The following AR variants were observed in gnomAD, a reference collection of about 807,000 sequenced individuals.
AR encodes androgen receptor.
In AR, 8 loss-of-function variants were observed where a neutral mutation model predicts 53.9. That is an observed-to-expected ratio of 0.15 (90% confidence interval 0.09 to 0.27). The LOEUF is 0.27. AR is among the 10% of genes least tolerant of loss of function. AR has a pLI of 1.00. For synonymous variants in AR, 359 were observed against 316.4 expected (o/e 1.13, Z -1.43); for missense variants, 639 against 742.5 (o/e 0.86, Z 1.62).
rs183303878 is a variant in AR at position 67,721,704 on chromosome X, G to T, written c.2319-129G>T. 21 of 908,312 alleles carry T rather than the reference G, an allele frequency of 2.3e-5. No homozygotes were observed. The African/African-American group carries it at 3.9e-4, about 17-fold the overall frequency. 74.9% of individuals were successfully genotyped at this position (908,312 alleles called of 1,213,427 possible). On this transcript the variant is annotated intron_variant, in intron 5 of 7. Transcript: ENST00000374690. ...CAAAAAAACCTTTTCCTGGTCCCTG[G>T]AGCACCAGCAGGAGAAACAGCAAGC...
intron 2 of AR, among the ~76,000 whole-genome samples, chrX:67,670,709 T>C (rs1482152910): frequency 9.0e-6 from 1 of 110,622 alleles, no homozygotes; most frequent in Non-Finnish European, 1.9e-5. Context: ...CAACCTGCCA[T>C]ATACATTAAG....
intron 2 of AR, among the ~76,000 whole-genome samples, chrX:67,653,433 G>T (rs2076656286): frequency 8.9e-6 from 1 of 111,870 alleles, no homozygotes; most frequent in Non-Finnish European, 1.9e-5. Flanking sequence ...AGGCTTCACA[G>T]AGGAGTTAAG....
rs769558677 is a variant in AR at position 67,685,988 on chromosome X, A to G, written c.1769-22A>G. ...TGGAAACTCATTATCAGGTCTATCA[A>G]CTCTTGTATTTGTTCTCCCAGGGAA... On this transcript the variant is annotated intron_variant, in intron 2 of 7. Coordinates refer to ENST00000374690, the MANE Select transcript of AR (RefSeq NM_000044.6). 5 of 1,208,078 alleles carry G rather than the reference A, an allele frequency of 4.1e-6. No individual in the cohort carries two copies. The African/African-American group carries it at 8.8e-5, about 21-fold the overall frequency.
chrX:67,631,060 G>C (rs888445735), intron 1 of AR, among the ~76,000 whole-genome samples: 27 of 110,946 alleles, frequency 2.4e-4, no homozygotes, highest in African/African-American at 8.5e-4. Context: ...TTTCTCTCTG[G>C]CTGCCCTTAA....
intron 1 of AR, among the ~76,000 whole-genome samples, chrX:67,608,920 G>T (rs774527134): frequency 3.6e-5 from 4 of 109,926 alleles, no homozygotes; most frequent in Non-Finnish European, 7.6e-5. Context: ...TCCAATATTG[G>T]TGGCTATATA....
At chrX:67,648,018 G>A (rs1355982537) in intron 2 of AR, among the ~76,000 whole-genome samples, 1 of 112,021 alleles carries the variant, frequency 8.9e-6, no homozygotes, top group African/African-American at 3.2e-5. Context: ...TTTATGGGCT[G>A]CAGTTTGTTG....
chrX:67,609,091 G>T (rs1484394449), intron 1 of AR, among the ~76,000 whole-genome samples: 1 of 110,895 alleles, frequency 9.0e-6, no homozygotes, highest in Non-Finnish European at 1.9e-5. Flanking sequence ...AATTCACTTG[G>T]AAAGCATTGC....
chrX:67,602,441 G>A (rs1226306701), intron 1 of AR, among the ~76,000 whole-genome samples: 1 of 112,302 alleles, frequency 8.9e-6, no homozygotes, highest in Middle Eastern at 4.6e-3. Context: ...ATATGGCACA[G>A]TTAACTTTAA....
At chrX:67,628,953 A>G (rs1389690767) in intron 1 of AR, among the ~76,000 whole-genome samples, 1 of 111,541 alleles carries the variant, frequency 9.0e-6, no homozygotes, top group Admixed American at 9.5e-5. Flanking sequence ...TGATTTGCGT[A>G]TATTGAACCA....
At chrX:67,633,554 A>C (rs915203211) in intron 1 of AR, among the ~76,000 whole-genome samples, 1 of 112,207 alleles carries the variant, frequency 8.9e-6, no homozygotes, top group African/African-American at 3.2e-5. Context: ...GTAAATACTC[A>C]AGAGAAATGA....
At chrX:67,607,832 A>G (rs1923701908) in intron 1 of AR, among the ~76,000 whole-genome samples, 1 of 111,671 alleles carries the variant, frequency 9.0e-6, no homozygotes, top group Non-Finnish European at 1.9e-5. Context: ...ATGGGACCAA[A>G]AAATTCTCTG....
intron 2 of AR, among the ~76,000 whole-genome samples, chrX:67,673,247 T>A (rs1035246801): frequency 1.8e-5 from 2 of 110,410 alleles, no homozygotes; most frequent in Non-Finnish European, 3.8e-5. Context: ...GGTGGTCTTT[T>A]TTGGATTAAA....
rs1052906004 is a variant in AR, at chrX:67,712,899, A to T, written c.2173+1210A>T. On this transcript the variant is annotated intron_variant, in intron 4 of 7. Coordinates refer to ENST00000374690, the MANE Select transcript of AR (RefSeq NM_000044.6). ...GAGCAATTTTGTATGTATTACCTGA[A>T]TTGATTCTTATAGGAATCCTATAAC... 2.7e-5 allele frequency among the ~76,000 whole-genome samples: 3 copies of T among 112,477 alleles called. No homozygotes were observed. In the Admixed American group the frequency reaches 2.8e-4, roughly 11 times the overall value.
chrX:67,659,610 T>C (rs1261852251), intron 2 of AR, among the ~76,000 whole-genome samples: 1 of 112,021 alleles, frequency 8.9e-6, no homozygotes, highest in Non-Finnish European at 1.9e-5. Context: ...CTTAATCCAG[T>C]TTATCATTGA....
At chrX:67,702,799 C>G (rs1191981468) in intron 3 of AR, among the ~76,000 whole-genome samples, 1 of 112,348 alleles carries the variant, frequency 8.9e-6, no homozygotes, top group African/African-American at 3.2e-5. Flanking sequence ...AAAGTCAGTT[C>G]CAGGCTGGGT....
chrX:67,597,623 G>A (rs1289389030), intron 1 of AR, among the ~76,000 whole-genome samples: 3 of 111,793 alleles, frequency 2.7e-5, no homozygotes, highest in South Asian at 3.7e-4. Flanking sequence ...CCAGAGAGCT[G>A]TATGCTACTG....
intron 3 of AR, among the ~76,000 whole-genome samples, chrX:67,687,403 A>G (rs1028670731): frequency 2.7e-5 from 3 of 112,140 alleles, no homozygotes; most frequent in Admixed American, 9.4e-5. Flanking sequence ...ATTTCAAAAG[A>G]ATCATCTCAA....
rs1569317884 is a variant in AR at position 67,727,946 on chromosome X, C to G, written c.*4105C>G. The G allele has an allele frequency of 5.8e-6, 1 of 173,248 alleles. No individual in the cohort carries two copies. The highest frequency in any genetic ancestry group is 1.1e-5 in the Non-Finnish European group (1 of 90,880). The allele number at this position is 173,248 out of a possible 1,213,427, so 14.3% of individuals were successfully genotyped here. A position where few individuals can be genotyped will look rare whatever the true frequency, so the allele number is the denominator to read the frequency against. Reference sequence around the variant, plus strand: ...GAAAAGGAAGTTTCTACCCCTGATGCCTTTGTAGGCAGATCTGTTCTCACC... The same window carrying G: ...GAAAAGGAAGTTTCTACCCCTGATGGCTTTGTAGGCAGATCTGTTCTCACC... On this transcript the variant is annotated 3_prime_UTR_variant, in exon 8 of 8. Transcript: ENST00000374690.
intron 1 of AR, among the ~76,000 whole-genome samples, chrX:67,563,269 T>G (rs1303158907): frequency 9.0e-6 from 1 of 111,554 alleles, no homozygotes; most frequent in African/African-American, 3.3e-5. Flanking sequence ...TGTTCAGGAA[T>G]AGGCTTTGGC....
Sources: gnomAD v4.1 joint callset for allele counts (sites outside exome capture counted in the v4.1 genomes callset) on GRCh38, gnomAD v4.1.1 for gene constraint, MANE v1.5 for transcripts, NCBI Gene and HGNC (gene_info 2026-07-23, HGNC 2026-07-21) for gene names.